KRT3: variants seen among roughly 807,000 people sequenced by gnomAD.
KRT3 encodes the protein keratin, type II cytoskeletal 3.
In KRT3, 34 loss-of-function variants were observed where a neutral mutation model predicts 45.8. The ratio of observed to expected loss-of-function variants is 0.74; its 90% confidence interval spans 0.57 to 0.99. The LOEUF is 0.99. Ranked by LOEUF, KRT3 falls within the 50% of genes least tolerant of loss-of-function variation. The pLI, the probability that KRT3 is intolerant of heterozygous loss-of-function variation, is 0.00. For synonymous variants in KRT3, 367 were observed against 329.0 expected, an observed-to-expected ratio of 1.12 and a Z score of -1.25; for missense variants, 828 against 820.6, an observed-to-expected ratio of 1.01 and a Z score of -0.11.
intron 4 of KRT3, 81 bp downstream of exon 4, chr12:52,792,630 C>T: frequency 9.1e-7 from 1 of 1,095,042 alleles, no homozygotes; most frequent in Non-Finnish European, 1.4e-6. Context: ...CTTCTGGGGC[C>T]TATATACCAA....
At chr12:52,792,485 T>C in intron 4 of KRT3, 82 bp from the exon 5 acceptor site, 1 of 1,361,986 alleles carries the variant, frequency 7.3e-7, no homozygotes, top group Non-Finnish European at 1.0e-6. Context: ...TGATCAACAG[T>C]CTCATTCACT....
Position 52,795,948 on chromosome 12 carries a change from A to G in KRT3, c.95T>C (p.Val32Ala), listed in dbSNP as rs779168086. ...TCCGCCAGCTCCCCCAGAGTGGGCC[A>G]CACAGCTCATCCTGCTGCTGCCGGA... ...VVSGSSRMSCVAHSGGAGGGA... is the reference protein window; with the variant it reads ...VVSGSSRMSCAAHSGGAGGGA... The change falls in exon 1 of 9, where the codon GTG becomes GCG. Residue 32 changes from valine to alanine, a missense_variant. Transcript: ENST00000417996. 2 of 1,614,132 alleles carry G rather than the reference A, an allele frequency of 1.2e-6. No individual in the cohort carries two copies. Among genetic ancestry groups the G allele is most frequent in the East Asian group, 2.2e-5 (1 of 44,890 alleles).
chr12:52,795,890 G>A lies in KRT3; in HGVS notation c.153C>T (p.Gly51=). ...GAYGFRSGAG[G]FGSRSLYNLG... ...GGTTGTAGAGGCTGCGACTGCCAAA[G>A]CCACCTGCTCCGCTCCGGAAGCCAT... Residue 51 remains glycine (G), a synonymous_variant, in exon 1 of 9, where the codon GGC becomes GGT. Transcript: ENST00000417996. 1 of 1,614,070 alleles carries A rather than the reference G, an allele frequency of 6.2e-7. No individual in the cohort carries two copies. Among genetic ancestry groups the A allele is most frequent in the Admixed American group, 1.7e-5 (1 of 60,032 alleles).
Position 52,793,888 on chromosome 12 carries a change from A to G in KRT3, c.866+223T>C, listed in dbSNP as rs144339409. On this transcript the variant is annotated intron_variant, in intron 2 of 8. Coordinates refer to ENST00000417996, the MANE Select transcript of KRT3 (RefSeq NM_057088.3). ...ATTACAGGCATGAGCCACCAAGCCC[A>G]GCCTAAACTCATCCTCTTGCCACAA... Among the ~76,000 whole-genome samples the G allele has an allele frequency of 2.1e-3, 320 of 152,306 alleles. 1 individual carries two copies. The highest frequency in any genetic ancestry group is 7.1e-3 in the African/African-American group (295 of 41,570).
rs373468680 is a variant in KRT3, at chr12:52,795,493, T to A, written c.550A>T (p.Asn184Tyr). The A allele has an allele frequency of 4.3e-6, 7 of 1,614,166 alleles. No individual in the cohort carries two copies. Among genetic ancestry groups the A allele is most frequent in the Non-Finnish European group, 5.9e-6 (7 of 1,180,030 alleles). Reference protein sequence around the residue: ...TINQSLLQPLNVEIDPQIGQV... With the variant: ...TINQSLLQPLYVEIDPQIGQV... ...CCAATCTGGGGGTCGATCTCCACAT[T>A]GAGGGGCTGCAGGAGACTCTGGTTG... Residue 184 changes from asparagine to tyrosine, a missense_variant, in exon 1 of 9, where the codon AAT becomes TAT. Asn to Tyr is a moderately radical substitution (Grantham distance 143, BLOSUM62 -2). Transcript: ENST00000417996.
chr12:52,796,104 G>A lies in KRT3; in HGVS notation c.-62C>T. 6.4e-7 allele frequency: 1 copy of A among 1,564,092 alleles called. No individual in the cohort carries two copies. Among genetic ancestry groups the A allele is most frequent in the Non-Finnish European group, 8.7e-7 (1 of 1,143,504 alleles). Reference sequence around the variant, plus strand: ...GCAGGGACACTGAGAGTCAGAGGAAGAGGGATGGGAAATGAAGACCTGTGC... The same window carrying A: ...GCAGGGACACTGAGAGTCAGAGGAAAAGGGATGGGAAATGAAGACCTGTGC... On this transcript the variant is annotated 5_prime_UTR_variant, in exon 1 of 9. Coordinates refer to ENST00000417996, the MANE Select transcript of KRT3 (RefSeq NM_057088.3).
In KRT3 at chr12:52,791,247, C is replaced by T. The variant is rs1270272836; in HGVS notation, c.1494G>A (p.Glu498=). Residue 498 remains glutamate, a synonymous_variant, in exon 7 of 9, where the codon GAG becomes GAA. Coordinates refer to ENST00000417996, the MANE Select transcript of KRT3 (RefSeq NM_057088.3). ...LMNVKLALDV[E]IATYRKLLEG... is the part of the protein sequence containing the mutation. Reference sequence around the variant, plus strand: ...CCAGCAGCTTGCGGTAGGTGGCGATCTCCACGTCCAGGGCCAGCTTGACAT... The same window carrying T: ...CCAGCAGCTTGCGGTAGGTGGCGATTTCCACGTCCAGGGCCAGCTTGACAT... 6.2e-7 allele frequency: 1 copy of T among 1,614,260 alleles called. No individual in the cohort carries two copies. Among genetic ancestry groups the T allele is most frequent in the Non-Finnish European group, 8.5e-7 (1 of 1,180,044 alleles).
At position 52,795,772 on chromosome 12, in the gene KRT3, C is replaced by A; in HGVS notation, c.271G>T (p.Gly91Cys). 6.2e-7 allele frequency: 1 copy of A among 1,614,042 alleles called. No individual in the cohort carries two copies. The highest frequency in any genetic ancestry group is 8.5e-7 in the Non-Finnish European group (1 of 1,179,898). ...GGGRSSCAFA[G>C]GYGGGFGSGY... ...CTCCCAAAGCCACCTCCATAGCCAC[C>A]TGCAAAGGCACAGCTGCTCCGCCCT... Residue 91 changes from glycine to cysteine, a missense_variant, in exon 1 of 9, where the codon GGT becomes TGT. Transcript: ENST00000417996.
At chr12:52,792,882 A>C (rs2121221099) in intron 3 of KRT3, 76 bp from the exon 4 acceptor site, 1 of 969,772 alleles carries the variant, frequency 1.0e-6, no homozygotes, top group Non-Finnish European at 1.6e-6. Context: ...AAGAAAGAGC[A>C]GAGGGGACTG....
chr12:52,795,735 C>A lies in KRT3; in HGVS notation c.308G>T (p.Gly103Val). The A allele has an allele frequency of 6.2e-7, 1 of 1,613,142 alleles. No individual in the cohort carries two copies. The highest frequency in any genetic ancestry group is 8.5e-7 in the Non-Finnish European group (1 of 1,179,216). Reference protein sequence around the residue: ...YGGGFGSGYGGGFGGGFGGGR... With the variant: ...YGGGFGSGYGVGFGGGFGGGR... ...ACCACCAAAGCCACCACCAAAGCCA[C>A]CTCCATAGCCGCTCCCAAAGCCACC... Residue 103 changes from glycine (G) to valine (V), a missense_variant, in exon 1 of 9, where the codon GGT becomes GTT. Coordinates refer to ENST00000417996, the MANE Select transcript of KRT3 (RefSeq NM_057088.3).
intron 4 of KRT3, 90 bp downstream of exon 4, chr12:52,792,621 T>C: frequency 9.5e-7 from 1 of 1,048,392 alleles, no homozygotes; most frequent in Admixed American, 1.7e-5. Flanking sequence ...TCCAGATGTC[T>C]TCTGGGGCCT....
At position 52,790,028 on chromosome 12, in the gene KRT3, C is replaced by T. The variant is rs1401347951; in HGVS notation, c.*14G>A. ...GGGAGGCGCTGGAGTGGCTGCGATG[C>T]TGATGCGTGCTCTTTATCTGGAGTA... On this transcript the variant is annotated 3_prime_UTR_variant, in exon 9 of 9. Transcript: ENST00000417996. 1.3e-6 allele frequency: 2 copies of T among 1,537,766 alleles called. No homozygotes were observed. The highest frequency in any genetic ancestry group is 1.7e-6 in the Non-Finnish European group (2 of 1,146,554).
At position 52,789,725 on chromosome 12, in the gene KRT3, G is replaced by A. The variant is rs907061264; in HGVS notation, c.*317C>T. The A allele has an allele frequency of 2.1e-5, 11 of 527,320 alleles. No individual in the cohort carries two copies. The highest frequency in any genetic ancestry group is 9.5e-5 in the African/African-American group (5 of 52,722). The allele number at this position is 527,320 out of a possible 1,614,324, so 32.7% of individuals were successfully genotyped here. On this transcript the variant is annotated 3_prime_UTR_variant, in exon 9 of 9. Coordinates refer to ENST00000417996, the MANE Select transcript of KRT3 (RefSeq NM_057088.3). ...TTTATTGGCGACAGACCGGAGGGGC[G>A]GAGGGGGCTGTGTGCTATATACATC...
chr12:52,795,680 TCCA>T lies in KRT3; in HGVS notation c.360_362del (p.Gly121del). The stretch of plus-strand genomic sequence containing the variant: ...CACCAGCCCCTCCAAAGCCACCAGC[TCCA>T]CCAAAGCCACCTCCCATTCCTCTGC... On this transcript the variant is annotated inframe_deletion, in exon 1 of 9. Transcript: ENST00000417996. 6.3e-7 allele frequency: 1 copy of T among 1,598,108 alleles called. No homozygotes were observed. Among genetic ancestry groups the T allele is most frequent in the Non-Finnish European group, 8.5e-7 (1 of 1,176,996 alleles).
Position 52,790,278 on chromosome 12 carries a change from C to T in KRT3, c.1651G>A (p.Gly551Arg). ...CCGCCGCCCGCACTGAAGCCACCTC[C>T]TAAACCACCGCCCATGCCTCCGCCG... ...GYGGGMGGGL[G>R]GGFSAGGGSG... The change falls in exon 9 of 9, where the codon GGA becomes AGA. Residue 551 changes from glycine to arginine, a missense_variant. Physicochemically the swap from Gly to Arg is moderately radical, Grantham distance 125 (BLOSUM62 -2). Coordinates refer to ENST00000417996, the MANE Select transcript of KRT3 (RefSeq NM_057088.3). 1.3e-6 allele frequency: 2 copies of T among 1,554,534 alleles called. No individual in the cohort carries two copies. Among genetic ancestry groups the T allele is most frequent in the Non-Finnish European group, 1.7e-6 (2 of 1,148,878 alleles).
chr12:52,795,334 T>G, intron 1 of KRT3, 64 bp downstream of exon 1: 1 of 1,589,338 alleles, frequency 6.3e-7, no homozygotes, highest in Non-Finnish European at 8.6e-7. Context: ...TTAAACACTG[T>G]GTCCCAAAGG....
Position 52,790,187 on chromosome 12 carries a change from C to G in KRT3, c.1742G>C (p.Ser581Thr). 1 of 1,548,996 alleles carries G rather than the reference C, an allele frequency of 6.5e-7. No homozygotes were observed. The highest frequency in any genetic ancestry group is 8.7e-7 in the Non-Finnish European group (1 of 1,146,790). ...AAAGCCGCTGCCACCGCTGAAACCG[C>G]TGCTGCCGCCGCCAAATCCACCGCC... ...GIGGGFGGGSSGFSGGSGFGS... is the reference protein window; with the variant it reads ...GIGGGFGGGSTGFSGGSGFGS... The change falls in exon 9 of 9, where the codon AGC becomes ACC. Residue 581 changes from serine to threonine, a missense_variant. Coordinates refer to ENST00000417996, the MANE Select transcript of KRT3 (RefSeq NM_057088.3).
rs529990827 is a variant in KRT3 at position 52,789,704 on chromosome 12, T to C, written c.*338A>G. ...CCGGAGTGAAACACAGTGCACTTTA[T>C]TGGCGACAGACCGGAGGGGCGGAGG... On this transcript the variant is annotated 3_prime_UTR_variant, in exon 9 of 9. Coordinates refer to ENST00000417996, the MANE Select transcript of KRT3 (RefSeq NM_057088.3). The C allele has an allele frequency of 4.0e-5, 19 of 473,750 alleles. No individual in the cohort carries two copies. Among genetic ancestry groups the C allele is most frequent in the South Asian group, 8.0e-5 (3 of 37,610 alleles). The allele number at this position is 473,750 out of a possible 1,614,324, so 29.3% of individuals were successfully genotyped here. A position where few individuals can be genotyped will look rare whatever the true frequency, so the allele number is the denominator to read the frequency against.
chr12:52,791,850 C>A (rs1198026182), intron 5 of KRT3, 34 bp from the exon 6 acceptor site: 1 of 1,600,694 alleles, frequency 6.2e-7, no homozygotes, highest in Non-Finnish European at 8.5e-7. Flanking sequence ...GGTATTCCTG[C>A]AGCTTTGCTT....
Sources: gnomAD v4.1 joint callset for allele counts (sites outside exome capture counted in the v4.1 genomes callset) on GRCh38, gnomAD v4.1.1 for gene constraint, MANE v1.5 for transcripts, NCBI Gene and HGNC (gene_info 2026-07-23, HGNC 2026-07-21) for gene names.